The following SLC1A2 variants were observed in gnomAD, a reference collection of about 807,000 sequenced individuals.
SLC1A2 encodes solute carrier family 1 member 2.
A neutral mutation model predicts 48.8 loss-of-function variants in SLC1A2; 15 were observed. The ratio of observed to expected loss-of-function variants is 0.31; its 90% CI spans 0.21 to 0.47. SLC1A2 has a LOEUF of 0.47. SLC1A2 is among the 20% of genes least tolerant of loss of function. The probability of loss-of-function intolerance (pLI) is 0.99; values close to 1 mark genes in which losing one functional copy is unlikely to be tolerated. For synonymous variants in SLC1A2, 279 were observed against 272.6 expected (o/e 1.02, Z -0.23); for missense variants, 502 against 730.5 (o/e 0.69, Z 3.61).
At chr11:35,287,170 T>C (rs927983271) in intron 7 of SLC1A2, among the ~76,000 whole-genome samples, 1 of 152,144 alleles carries the variant, frequency 6.6e-6, no homozygotes, top group African/African-American at 2.4e-5. Flanking sequence ...CAAAATATTT[T>C]CATTGGTTCT....
At chr11:35,306,715 T>G (rs1330168664) in intron 4 of SLC1A2, among the ~76,000 whole-genome samples, 1 of 152,206 alleles carries the variant, frequency 6.6e-6, no homozygotes, top group Non-Finnish European at 1.5e-5. Context: ...CTAGCCTCTG[T>G]TATCTATTTT....
At chr11:35,305,224 C>A (rs767097342) in intron 5 of SLC1A2, among the ~76,000 whole-genome samples, 6 of 152,150 alleles carry the variant, frequency 3.9e-5, no homozygotes, top group Non-Finnish European at 7.3e-5. Context: ...AAACCTCTGT[C>A]CCTCATGGAG....
intron 1 of SLC1A2, chr11:35,418,712 T>C (rs561739182): frequency 3.2e-4 from 177 of 553,508 alleles, no homozygotes; most frequent in Admixed American, 4.7e-4. Context: ...CAGCGCACCT[T>C]ACCCTTTTTA....
At chr11:35,332,842 C>T (rs573659544) in intron 1 of SLC1A2, among the ~76,000 whole-genome samples, 21 of 152,300 alleles carry the variant, frequency 1.4e-4, no homozygotes, top group African/African-American at 4.1e-4. Context: ...CTGCAGCACA[C>T]GCTACCTAGA....
chr11:35,357,256 C>G (rs1270180565), intron 1 of SLC1A2, among the ~76,000 whole-genome samples: 1 of 98,212 alleles, frequency 1.0e-5, no homozygotes, highest in Non-Finnish European at 2.1e-5. Flanking sequence ...GACTCTATAT[C>G]AAAAAAAAAA....
intron 1 of SLC1A2, among the ~76,000 whole-genome samples, chr11:35,345,555 A>AG (rs1852997155): frequency 6.6e-6 from 1 of 152,202 alleles, no homozygotes; most frequent in South Asian, 2.1e-4. Flanking sequence ...TTGGGACTGG[A>AG]GGGGGACCAG....
intron 1 of SLC1A2, chr11:35,380,689 G>C (rs141074224): frequency 3.3e-6 from 1 of 301,366 alleles, no homozygotes; most frequent in African/African-American, 2.1e-5. Flanking sequence ...AGGGCTGCGT[G>C]AGTTGCTGAT....
intron 1 of SLC1A2, among the ~76,000 whole-genome samples, chr11:35,379,285 T>C (rs1300891236): frequency 6.6e-6 from 1 of 152,256 alleles, no homozygotes. Flanking sequence ...AGGAAGTCTA[T>C]GTAAATGCCA....
At chr11:35,388,695 C>G (rs1854659504) in intron 1 of SLC1A2, among the ~76,000 whole-genome samples, 1 of 152,146 alleles carries the variant, frequency 6.6e-6, no homozygotes. Flanking sequence ...ATGCCCCACT[C>G]AGACATGTTT....
chr11:35,419,980 C>A (rs1481842652), upstream of SLC1A2: 1 of 468,010 alleles, frequency 2.1e-6, no homozygotes, highest in Non-Finnish European at 4.4e-6. The surrounding 1 kb of genome is among the most constrained non-coding windows in gnomAD (Gnocchi z 5.4). Context: ...CGGAGTCGAG[C>A]GGCTGAAACA....
chr11:35,388,393 T>TTTTTG (rs1246128126), intron 1 of SLC1A2, among the ~76,000 whole-genome samples: 4 of 152,104 alleles, frequency 2.6e-5, no homozygotes, highest in African/African-American at 4.8e-5. Flanking sequence ...GACATGTTTG[T>TTTTTG]TTTTGTTTTG....
At chr11:35,278,891 T>C (rs1850531873) in intron 9 of SLC1A2, among the ~76,000 whole-genome samples, 1 of 152,064 alleles carries the variant, frequency 6.6e-6, no homozygotes. Context: ...TGGTGGCACA[T>C]GCCTGTAGTC....
intron 10 of SLC1A2, chr11:35,264,012 G>A (rs1950438585): frequency 6.6e-6 from 1 of 152,194 alleles, no homozygotes; most frequent in African/African-American, 2.4e-5. Context: ...CATTCACTCA[G>A]ATGTGGGAAA....
Position 35,254,377 on chromosome 11 carries a change from A to G in SLC1A2, c.*6517T>C, listed in dbSNP as rs557296340. ...TCTAGATGCCAAAGGATGACTTTCT[A>G]TAAGGGAAGTAACTCTTATGGAGTA... On this transcript the variant is annotated 3_prime_UTR_variant, in exon 11 of 11. Transcript: ENST00000278379. The G allele has an allele frequency of 6.3e-6, 1 of 158,640 alleles. No homozygotes were observed. Among genetic ancestry groups the G allele is most frequent in the East Asian group, 1.9e-4 (1 of 5,336 alleles). The allele number at this position is 158,640 out of a possible 1,614,324, so 9.8% of individuals were successfully genotyped here. A position where few individuals can be genotyped will look rare whatever the true frequency, so the allele number is the denominator to read the frequency against.
chr11:35,413,022 T>C (rs1466059265), intron 1 of SLC1A2, among the ~76,000 whole-genome samples: 1 of 152,138 alleles, frequency 6.6e-6, no homozygotes, highest in Non-Finnish European at 1.5e-5. Context: ...TTTTTTTACA[T>C]AGAAATGAGA....
At chr11:35,358,951 A>G (rs192001760) in intron 1 of SLC1A2, among the ~76,000 whole-genome samples, 61 of 152,344 alleles carry the variant, frequency 4.0e-4, no homozygotes, top group Admixed American at 2.1e-3. Context: ...GGGACCAAAT[A>G]TCTTATGCCT....
At chr11:35,264,721 G>A (rs1368054596) in intron 10 of SLC1A2, 2 of 152,182 alleles carry the variant, frequency 1.3e-5, no homozygotes, top group Non-Finnish European at 2.9e-5. Context: ...TTCTTTACTT[G>A]AAATTGTTTA....
chr11:35,285,889 T>C (rs1850803312), intron 8 of SLC1A2: 1 of 152,226 alleles, frequency 6.6e-6, no homozygotes, highest in South Asian at 2.1e-4. Context: ...AGTAGGGATA[T>C]GACATAAGGC....
At chr11:35,339,276 G>A (rs1430993755) in intron 1 of SLC1A2, among the ~76,000 whole-genome samples, 1 of 152,216 alleles carries the variant, frequency 6.6e-6, no homozygotes, top group African/African-American at 2.4e-5. Context: ...CGGTGAACAA[G>A]ATTGTGGGTC....
Sources: allele counts gnomAD v4.1 joint callset (sites outside exome capture counted in the v4.1 genomes callset), GRCh38; gene constraint gnomAD v4.1.1; non-coding constraint Gnocchi (gnomAD v3.1); transcripts MANE v1.5; gene names NCBI Gene and HGNC (gene_info 2026-07-23, HGNC 2026-07-21).